The following ELP4 variants were observed in gnomAD, a reference collection of about 807,000 sequenced individuals.
The protein encoded by ELP4 is elongator complex protein 4.
In ELP4, 51 loss-of-function variants were observed where a neutral mutation model predicts 48.9. The ratio of observed to expected loss-of-function variants is 1.04; its 90% confidence interval spans 0.83 to 1.32. ELP4 has a LOEUF of 1.32. Among genes scored for constraint, ELP4 ranks in the 40% most tolerant of loss-of-function variants. The pLI is 0.00. For synonymous variants in ELP4, 210 were observed against 189.2 expected (o/e 1.11, Z -0.90); for missense variants, 519 against 514.6 (o/e 1.01, Z -0.08).
intron 9 of ELP4, among the ~76,000 whole-genome samples, chr11:31,711,509 A>C (rs1946742053): frequency 6.6e-6 from 1 of 152,212 alleles, no homozygotes; most frequent in Non-Finnish European, 1.5e-5. Flanking sequence ...GGCCTAGGTT[A>C]AGAAAATGCC....
chr11:31,646,771 C>T (rs1309837925), intron 7 of ELP4: 1 of 151,024 alleles, frequency 6.6e-6, no homozygotes, highest in Admixed American at 6.6e-5. Flanking sequence ...CTAGATCTGC[C>T]AAGCAAAAAA....
intron 3 of ELP4, among the ~76,000 whole-genome samples, chr11:31,576,780 A>G (rs1957288086): frequency 6.6e-6 from 1 of 152,208 alleles, no homozygotes; most frequent in Admixed American, 6.5e-5. Flanking sequence ...TCTCTGGGAC[A>G]CATTTAAAGC....
chr11:31,685,867 G>T (rs999995074), intron 9 of ELP4, among the ~76,000 whole-genome samples: 11 of 151,220 alleles, frequency 7.3e-5, no homozygotes, highest in Non-Finnish European at 1.6e-4. Flanking sequence ...GGAGGCGGAG[G>T]TTACAGTGAT....
In ELP4 at chr11:31,763,575, A is replaced by G; in HGVS notation, c.1144-19818A>G. 7 of 1,557,598 alleles carry G rather than the reference A, an allele frequency of 4.5e-6. 1 individual carries two copies. In the Middle Eastern group the frequency reaches 1.2e-3, roughly 269 times the overall value. On this transcript the variant is annotated intron_variant, in intron 9 of 9. Transcript: ENST00000640961. ...GTATGGGCTTTCCCTTTTTTCAGCTAAAGCTTCTACTGAAAGAGGGATTTG... is the reference window on the plus strand; with the variant it reads ...GTATGGGCTTTCCCTTTTTTCAGCTGAAGCTTCTACTGAAAGAGGGATTTG...
At chr11:31,772,751 G>A (rs563970870) in intron 9 of ELP4, among the ~76,000 whole-genome samples, 18 of 152,224 alleles carry the variant, frequency 1.2e-4, no homozygotes, top group Admixed American at 4.6e-4. Context: ...ATTCAGAATT[G>A]TTTTATATTC....
intron 9 of ELP4, among the ~76,000 whole-genome samples, chr11:31,677,078 A>G (rs932203863): frequency 8.5e-5 from 13 of 152,336 alleles, no homozygotes; most frequent in African/African-American, 3.1e-4. Context: ...CAATTAGTAG[A>G]AAAGGTTTGT....
chr11:31,690,170 G>C (rs978011291), intron 9 of ELP4, among the ~76,000 whole-genome samples: 1 of 152,150 alleles, frequency 6.6e-6, no homozygotes, highest in Non-Finnish European at 1.5e-5. Flanking sequence ...AATGTCTGCT[G>C]AATAGCAAAG....
rs185600526 is a variant in ELP4 at position 31,724,811 on chromosome 11, A to G, written c.1144-58582A>G. On this transcript the variant is annotated intron_variant, in intron 9 of 9. Coordinates refer to ENST00000640961, the MANE Select transcript of ELP4 (RefSeq NM_019040.5). ...TGTAAAATCTTTTCCTGTCCCTTAC[A>G]TATATCTTTGTGTTATTCTGCAGCT... Among the ~76,000 whole-genome samples, 50 of 152,346 alleles carry G rather than the reference A, an allele frequency of 3.3e-4. 1 individual carries two copies. Among genetic ancestry groups the G allele is most frequent in the African/African-American group, 1.1e-3 (45 of 41,594 alleles).
intron 4 of ELP4, among the ~76,000 whole-genome samples, chr11:31,602,261 G>A (rs370682672): frequency 6.6e-5 from 10 of 151,812 alleles, no homozygotes; most frequent in Admixed American, 2.0e-4. Flanking sequence ...ACTATAATCC[G>A]GATAAAGAAT....
chr11:31,768,852 CTA>C (rs1476754335), intron 9 of ELP4, among the ~76,000 whole-genome samples: 1 of 152,082 alleles, frequency 6.6e-6, no homozygotes, highest in Non-Finnish European at 1.5e-5. Context: ...AGAAGCAGCC[CTA>C]TCTGGGGGTG....
intron 3 of ELP4, among the ~76,000 whole-genome samples, chr11:31,542,535 A>T (rs1200374974): frequency 6.6e-6 from 1 of 152,232 alleles, no homozygotes; most frequent in Non-Finnish European, 1.5e-5. Flanking sequence ...TTCATAATTC[A>T]TGAGGCATCA....
At chr11:31,683,676 C>T (rs1207337134) in intron 9 of ELP4, among the ~76,000 whole-genome samples, 1 of 151,978 alleles carries the variant, frequency 6.6e-6, no homozygotes, top group Non-Finnish European at 1.5e-5. Flanking sequence ...ATTTAAAAGC[C>T]TACTGTATAG....
chr11:31,539,177 A>G (rs1036801508), intron 2 of ELP4, among the ~76,000 whole-genome samples: 2 of 152,180 alleles, frequency 1.3e-5, no homozygotes, highest in African/African-American at 4.8e-5. Flanking sequence ...AAAAGTACCT[A>G]GTTCTGGCCG....
intron 1 of ELP4, among the ~76,000 whole-genome samples, chr11:31,515,583 G>C (rs1049263597): frequency 1.3e-5 from 2 of 152,136 alleles, no homozygotes; most frequent in African/African-American, 4.8e-5. Context: ...GAGGACCCTT[G>C]AGCCTGGGAG....
At chr11:31,524,949 G>T (rs1956275529) in intron 2 of ELP4, among the ~76,000 whole-genome samples, 1 of 152,158 alleles carries the variant, frequency 6.6e-6, no homozygotes, top group Non-Finnish European at 1.5e-5. Flanking sequence ...CTGGACTCCA[G>T]CCTGGGTGAT....
At chr11:31,674,782 C>A (rs542445812) in intron 9 of ELP4, among the ~76,000 whole-genome samples, 1 of 152,286 alleles carries the variant, frequency 6.6e-6, no homozygotes, top group South Asian at 2.1e-4. Flanking sequence ...TGAAGGCACT[C>A]ATAAAATTAA....
chr11:31,671,534 C>T (rs1264382039), intron 9 of ELP4, among the ~76,000 whole-genome samples: 1 of 152,132 alleles, frequency 6.6e-6, no homozygotes, highest in African/African-American at 2.4e-5. Flanking sequence ...TAAATTGAGA[C>T]ATAAGTAAGA....
At position 31,783,990 on chromosome 11, in the gene ELP4, A is replaced by C. The variant is rs1219097038; in HGVS notation, c.*466A>C. Reference sequence around the variant, plus strand: ...TTACTAATATATAAAATAAATTTGCATTTATGTATCCAGTTATTAAATTGA... The same window carrying C: ...TTACTAATATATAAAATAAATTTGCCTTTATGTATCCAGTTATTAAATTGA... On this transcript the variant is annotated 3_prime_UTR_variant, in exon 10 of 10. Coordinates refer to ENST00000640961, the MANE Select transcript of ELP4 (RefSeq NM_019040.5). The C allele has an allele frequency of 1.3e-5, 2 of 152,316 alleles. No homozygotes were observed. The highest frequency in any genetic ancestry group is 2.9e-5 in the Non-Finnish European group (2 of 68,116). 9.4% of individuals were successfully genotyped at this position (152,316 alleles called of 1,614,324 possible).
intron 2 of ELP4, among the ~76,000 whole-genome samples, chr11:31,521,881 T>G (rs1308387299): frequency 6.6e-6 from 1 of 152,148 alleles, no homozygotes; most frequent in Non-Finnish European, 1.5e-5. Flanking sequence ...ATCATTTTGG[T>G]CCTGTGTTCT....
Sources: allele counts gnomAD v4.1 joint callset (sites outside exome capture counted in the v4.1 genomes callset), GRCh38; gene constraint gnomAD v4.1.1; transcripts MANE v1.5; gene names NCBI Gene and HGNC (gene_info 2026-07-23, HGNC 2026-07-21).